The following MCC variants were observed in gnomAD, a reference collection of about 807,000 sequenced individuals.
The protein encoded by MCC is colorectal mutant cancer protein.
In MCC, 90 loss-of-function variants were observed where a neutral mutation model predicts 116.2. The observed-to-expected ratio is 0.77, with a 90% CI of 0.65 to 0.92. The LOEUF (loss-of-function observed/expected upper bound fraction) is 0.92, where lower values mean the gene tolerates loss of function less well. MCC is among the 40% of genes least tolerant of loss of function. The probability of loss-of-function intolerance (pLI) is 0.00; values close to 1 mark genes in which losing one functional copy is unlikely to be tolerated. For synonymous variants in MCC, 578 were observed against 510.5 expected (o/e 1.13, Z -1.78); for missense variants, 1,516 against 1,312.2 (o/e 1.16, Z -2.40).
At chr5:113,279,009 G>T (rs11748524) in intron 3 of MCC, among the ~76,000 whole-genome samples, 19,197 of 152,118 alleles carry the variant, frequency 0.13, 1,995 homozygotes, top group Admixed American at 0.26. Context: ...TATGTCGTTG[G>T]TATATTAAAG....
Position 113,025,458 on chromosome 5 carries a change from C to A in MCC, c.*1844G>T, listed in dbSNP as rs1201805903. On this transcript the variant is annotated 3_prime_UTR_variant, in exon 19 of 19. Transcript: ENST00000408903. ...TGGCCAACATGGTGAAACCCTGTCTCTACTAAAAATACAAAAAAACTAGCT... is the reference window on the plus strand; with the variant it reads ...TGGCCAACATGGTGAAACCCTGTCTATACTAAAAATACAAAAAAACTAGCT... The A allele has an allele frequency of 6.6e-6, 1 of 151,862 alleles. No individual in the cohort carries two copies. The highest frequency in any genetic ancestry group is 1.5e-5 in the Non-Finnish European group (1 of 68,014). 9.4% of individuals were successfully genotyped at this position (151,862 alleles called of 1,614,324 possible).
chr5:113,324,052 C>T (rs1350119321), intron 3 of MCC, among the ~76,000 whole-genome samples: 1 of 152,184 alleles, frequency 6.6e-6, no homozygotes, highest in Non-Finnish European at 1.5e-5. Context: ...ACTAGTATTA[C>T]TCTTGCTATT....
chr5:113,070,099 C>T (rs1405115214), intron 12 of MCC, among the ~76,000 whole-genome samples: 1 of 152,214 alleles, frequency 6.6e-6, no homozygotes, highest in Non-Finnish European at 1.5e-5. Flanking sequence ...CAACGGTTAT[C>T]ACAGATGGAT....
chr5:113,253,061 C>T (rs1764861514), intron 3 of MCC, among the ~76,000 whole-genome samples: 1 of 152,146 alleles, frequency 6.6e-6, no homozygotes, highest in Admixed American at 6.5e-5. Flanking sequence ...TACCCCAGGG[C>T]TTCTAGATTA....
At chr5:113,151,216 T>C in intron 4 of MCC, 93 bp downstream of exon 4, 1 of 739,172 alleles carries the variant, frequency 1.4e-6, no homozygotes, top group Admixed American at 2.6e-5. Context: ...TGTAATTTGT[T>C]TTGTGGGAAT....
chr5:113,315,109 G>A (rs1462207893), intron 3 of MCC, among the ~76,000 whole-genome samples: 5 of 152,168 alleles, frequency 3.3e-5, no homozygotes, highest in Admixed American at 6.5e-5. Flanking sequence ...CAGTATTCAC[G>A]TTCTTGGCAA....
intron 3 of MCC, among the ~76,000 whole-genome samples, chr5:113,324,209 C>T (rs1157494065): frequency 6.6e-6 from 1 of 152,006 alleles, no homozygotes. Context: ...AATCCAATTC[C>T]AAATTTAGGA....
intron 3 of MCC, among the ~76,000 whole-genome samples, chr5:113,188,932 A>T (rs1281551121): frequency 6.6e-6 from 1 of 152,216 alleles, no homozygotes; most frequent in African/African-American, 2.4e-5. Context: ...TAAATGAGAA[A>T]TGGATACTAA....
intron 3 of MCC, among the ~76,000 whole-genome samples, chr5:113,229,453 C>G (rs1049620245): frequency 6.6e-6 from 1 of 152,104 alleles, no homozygotes; most frequent in African/African-American, 2.4e-5. Flanking sequence ...AATTAACACG[C>G]AAATGGAGGA....
At chr5:113,364,243 A>AAG (rs1554078926) in intron 2 of MCC, among the ~76,000 whole-genome samples, 1 of 127,212 alleles carries the variant, frequency 7.9e-6, no homozygotes, top group African/African-American at 3.3e-5. Flanking sequence ...AAACAGAAAA[A>AAG]AAAAAAAAAA....
chr5:113,063,170 TAAGAATCTCTAACA>T (rs1225769109), intron 14 of MCC, among the ~76,000 whole-genome samples: 1 of 152,208 alleles, frequency 6.6e-6, no homozygotes, highest in Non-Finnish European at 1.5e-5. Flanking sequence ...GGCAATTAAG[TAAGAATCTCTAACA>T]AAGTGTCTTC....
At chr5:113,040,717 C>T (rs957985473) in intron 17 of MCC, among the ~76,000 whole-genome samples, 92 of 152,114 alleles carry the variant, frequency 6.0e-4, no homozygotes, top group African/African-American at 2.1e-3. Context: ...TTTACAGTAT[C>T]ATTATGTTAT....
At chr5:113,476,375 T>A (rs1195835324) in intron 1 of MCC, among the ~76,000 whole-genome samples, 2 of 152,088 alleles carry the variant, frequency 1.3e-5, no homozygotes, top group Non-Finnish European at 2.9e-5. Flanking sequence ...GACTTGAGAG[T>A]TCAGAAATAT....
chr5:113,093,606 G>A (rs535642783), intron 8 of MCC, among the ~76,000 whole-genome samples: 1 of 152,210 alleles, frequency 6.6e-6, no homozygotes, highest in South Asian at 2.1e-4. Context: ...CAAAGAGTGT[G>A]CACAGAAGCA....
chr5:113,229,528 C>G (rs1581281310), intron 3 of MCC, among the ~76,000 whole-genome samples: 1 of 152,190 alleles, frequency 6.6e-6, no homozygotes, highest in African/African-American at 2.4e-5. Flanking sequence ...CTGAGGATTA[C>G]TGGCCCAAAC....
rs559114479 is a variant in MCC at position 113,470,281 on chromosome 5, C to G, written c.170+17964G>C. 2.4e-3 allele frequency among the ~76,000 whole-genome samples: 358 copies of G among 151,926 alleles called. 1 individual carries two copies. The highest frequency in any genetic ancestry group is 8.0e-3 in the African/African-American group (332 of 41,396). ...GATGCAGTTTCTTCCTAGCCTTGAT[C>G]GTCTTTACAATTTGGCATGTTTTTG... On this transcript the variant is annotated intron_variant, in intron 1 of 18. Transcript: ENST00000408903.
intron 3 of MCC, among the ~76,000 whole-genome samples, chr5:113,284,783 T>C (rs1766180617): frequency 6.6e-6 from 1 of 152,232 alleles, no homozygotes; most frequent in African/African-American, 2.4e-5. Flanking sequence ...AGTTTTTCAA[T>C]AGGAAATAAG....
At chr5:113,175,256 G>A (rs980891771) in intron 3 of MCC, among the ~76,000 whole-genome samples, 2 of 152,136 alleles carry the variant, frequency 1.3e-5, no homozygotes, top group Non-Finnish European at 2.9e-5. Context: ...CTCAGATGTA[G>A]AACAAACAAA....
intron 1 of MCC, among the ~76,000 whole-genome samples, chr5:113,396,218 C>G (rs1769521747): frequency 6.6e-6 from 1 of 152,114 alleles, no homozygotes; most frequent in African/African-American, 2.4e-5. Flanking sequence ...GTCCCGGCTA[C>G]TTGGGAGGCT....
Sources: gnomAD v4.1 joint callset for allele counts (sites outside exome capture counted in the v4.1 genomes callset) on GRCh38, gnomAD v4.1.1 for gene constraint, MANE v1.5 for transcripts, NCBI Gene and HGNC (gene_info 2026-07-23, HGNC 2026-07-21) for gene names.